ZNF585A: variants seen among roughly 807,000 people sequenced by gnomAD.
ZNF585A encodes the protein zinc finger protein 585A.
Under a neutral mutation model 14.9 loss-of-function variants are expected in ZNF585A, and 9 were observed. The observed-to-expected ratio is 0.60, with a 90% CI of 0.36 to 1.05. The LOEUF (loss-of-function observed/expected upper bound fraction) is 1.05. Ranked by LOEUF, ZNF585A falls within the 50% of genes least tolerant of loss-of-function variation. ZNF585A has a pLI of 0.01. For synonymous variants in ZNF585A, 276 were observed against 319.9 expected (o/e 0.86, Z 1.46); for missense variants, 726 against 926.4 (o/e 0.78, Z 2.81).
chr19:37,166,454 G>A (rs918889070), intron 2 of ZNF585A, among the ~76,000 whole-genome samples: 1 of 151,974 alleles, frequency 6.6e-6, no homozygotes, highest in African/African-American at 2.4e-5. Flanking sequence ...TGAGTAACTG[G>A]GACTACAGGT....
chr19:37,169,987 C>T lies in ZNF585A; in HGVS notation c.-77G>A. 6.5e-7 allele frequency: 1 copy of T among 1,540,462 alleles called. No individual in the cohort carries two copies. Among genetic ancestry groups the T allele is most frequent in the Non-Finnish European group, 8.8e-7 (1 of 1,141,372 alleles). ...TCATCTGTGAACTCAAGCAGAGCTGCTCTGAAGAGATGGGCTGGAGTCTAG... is the reference window on the plus strand; with the variant it reads ...TCATCTGTGAACTCAAGCAGAGCTGTTCTGAAGAGATGGGCTGGAGTCTAG... On this transcript the variant is annotated 5_prime_UTR_variant, in exon 2 of 5. Transcript: ENST00000292841.
intron 2 of ZNF585A, among the ~76,000 whole-genome samples, chr19:37,162,105 G>C (rs781006803): frequency 6.6e-6 from 1 of 152,162 alleles, no homozygotes; most frequent in Non-Finnish European, 1.5e-5. Context: ...TCTATTTTTA[G>C]TTGAGATGGG....
chr19:37,170,473 A>T (rs899638794), intron 1 of ZNF585A, among the ~76,000 whole-genome samples: 2 of 152,236 alleles, frequency 1.3e-5, no homozygotes, highest in African/African-American at 4.8e-5. Context: ...CTTTTCACCT[A>T]TGAGAACAGA....
In ZNF585A at chr19:37,148,816, C is replaced by T. The variant is rs1971778745; in HGVS notation, c.*2773G>A. ...ATCCAGACGATGGAACATAATTTGG[C>T]TCTAAAAAGAAATGCATTATCAAGC... On this transcript the variant is annotated 3_prime_UTR_variant, in exon 5 of 5. Coordinates refer to ENST00000292841, the MANE Select transcript of ZNF585A (RefSeq NM_001288800.2). 6.6e-6 allele frequency: 1 copy of T among 152,028 alleles called. No individual in the cohort carries two copies. The highest frequency in any genetic ancestry group is 1.5e-5 in the Non-Finnish European group (1 of 68,002). The allele number at this position is 152,028 out of a possible 1,614,324, so 9.4% of individuals were successfully genotyped here. A position where few individuals can be genotyped will look rare whatever the true frequency, so the allele number is the denominator to read the frequency against.
At position 37,156,304 on chromosome 19, in the gene ZNF585A, G is replaced by A. The variant is rs372000209; in HGVS notation, c.124C>T (p.Arg42Trp). The A allele has an allele frequency of 8.7e-6, 14 of 1,614,002 alleles. No homozygotes were observed. Among genetic ancestry groups the A allele is most frequent in the East Asian group, 2.2e-5 (1 of 44,890 alleles). The change falls in exon 3 of 5, where the codon CGG (arginine) becomes TGG (tryptophan). Residue 42 changes from arginine (R) to tryptophan (W), a missense_variant. Arg to Trp is a moderately radical substitution (Grantham distance 101). Around this residue, in one of 2 missense-constraint regions of ZNF585A, gnomAD observed 483 missense variants for 542.8 expected, o/e 0.89. Coordinates refer to ENST00000292841, the MANE Select transcript of ZNF585A (RefSeq NM_001288800.2). ...VAIDFSREEW[R>W]HLDPSQRNLY... Reference sequence around the variant, plus strand: ...TTTCTCTGAGAAGGGTCCAGGTGCCGCCATTCCTCTCTGCTGAAATCGATA... The same window carrying A: ...TTTCTCTGAGAAGGGTCCAGGTGCCACCATTCCTCTCTGCTGAAATCGATA...
In ZNF585A at chr19:37,150,261, GAC is replaced by G. The variant is rs1971805984; in HGVS notation, c.*1326_*1327del. 6.6e-6 allele frequency: 1 copy of G among 152,110 alleles called. No individual in the cohort carries two copies. The highest frequency in any genetic ancestry group is 1.5e-5 in the Non-Finnish European group (1 of 68,022). 9.4% of individuals were successfully genotyped at this position (152,110 alleles called of 1,614,324 possible). On this transcript the variant is annotated 3_prime_UTR_variant, in exon 5 of 5. Transcript: ENST00000292841. The stretch of plus-strand genomic sequence containing the variant: ...GGGCATTCCCACATGCTGTGTTAGG[GAC>G]AGTTAGATACTGCTAGGTGAGTAAC...
At position 37,153,557 on chromosome 19, in the gene ZNF585A, T is replaced by C; in HGVS notation, c.342A>G (p.Lys114=). 1.2e-6 allele frequency: 2 copies of C among 1,613,850 alleles called. No individual in the cohort carries two copies. The highest frequency in any genetic ancestry group is 8.5e-7 in the Non-Finnish European group (1 of 1,179,950). Residue 114 remains lysine (K), a synonymous_variant, in exon 5 of 5, where the codon AAA becomes AAG. Transcript: ENST00000292841. The part of the protein sequence containing the change: ...HNQCRKILSY[K]QVSSQPQKMY... ...TTTTTTGAGGTTGAGAGGATACTTG[T>C]TTATAACTGAGGATTTTTCTACATT...
Position 37,151,780 on chromosome 19 carries a change from C to A in ZNF585A, c.2119G>T (p.Val707Leu). ...TCTCCAGTGTGAATTCGCTGATGCA[C>A]TTGGAGCTGTGATTTTTTAGTGAAA... ...KSFTKKSQLQ[V>L]HQRIHTGEKP... Residue 707 changes from valine (V) to leucine (L), a missense_variant, in exon 5 of 5, where the codon GTG (valine) becomes TTG (leucine). This residue lies in a region of ZNF585A where 243 missense variants were observed against 383.6 expected (regional missense o/e 0.63). Transcript: ENST00000292841. 1 of 1,613,528 alleles carries A rather than the reference C, an allele frequency of 6.2e-7. No homozygotes were observed. The highest frequency in any genetic ancestry group is 8.5e-7 in the Non-Finnish European group (1 of 1,179,808).
chr19:37,153,461 T>C lies in ZNF585A; in HGVS notation c.438A>G (p.Lys146=), dbSNP rs746102085. 1.4e-5 allele frequency: 22 copies of C among 1,614,070 alleles called. No individual in the cohort carries two copies. The highest frequency in any genetic ancestry group is 8.5e-7 in the Non-Finnish European group (1 of 1,180,038). ...CTCCTGCAAGAACTTTCAGGTGTAC[T>C]TTGAGCTGTGACTTCTGGGTGAATA... ...EKIFTQKSQL[K]VHLKVLAGEK... is the part of the protein sequence containing the mutation. The change falls in exon 5 of 5, where the codon AAA becomes AAG. Residue 146 remains lysine, a synonymous_variant. Transcript: ENST00000292841.
At chr19:37,170,165 A>T in intron 1 of ZNF585A, 111 bp from the exon 2 acceptor site, 1 of 410,018 alleles carries the variant, frequency 2.4e-6, no homozygotes, top group Non-Finnish European at 4.4e-6. Flanking sequence ...GTGGTTCTCA[A>T]ATGGGTATGC....
rs1047828848 is a variant in ZNF585A at position 37,149,690 on chromosome 19, G to T, written c.*1899C>A. ...ACCAGAATTTGAACCAACATAGACA[G>T]CTTTCACTGTTCTGCTCACACCATA... On this transcript the variant is annotated 3_prime_UTR_variant, in exon 5 of 5. Coordinates refer to ENST00000292841, the MANE Select transcript of ZNF585A (RefSeq NM_001288800.2). The T allele has an allele frequency of 3.3e-5, 5 of 152,214 alleles. No homozygotes were observed. The highest frequency in any genetic ancestry group is 2.6e-4 in the Admixed American group (4 of 15,276). 9.4% of individuals were successfully genotyped at this position (152,214 alleles called of 1,614,324 possible).
chr19:37,166,659 A>G (rs1714572340), intron 2 of ZNF585A, among the ~76,000 whole-genome samples: 1 of 151,528 alleles, frequency 6.6e-6, no homozygotes, highest in Non-Finnish European at 1.5e-5. Flanking sequence ...TTGATTGTCA[A>G]CACATCAACT....
In ZNF585A at chr19:37,148,066, T is replaced by C. The variant is rs571247449; in HGVS notation, c.*3523A>G. 1 of 152,330 alleles carries C rather than the reference T, an allele frequency of 6.6e-6. No individual in the cohort carries two copies. The highest frequency in any genetic ancestry group is 2.1e-4 in the South Asian group (1 of 4,826). The allele number at this position is 152,330 out of a possible 1,614,324, so 9.4% of individuals were successfully genotyped here. A position where few individuals can be genotyped will look rare whatever the true frequency, so the allele number is the denominator to read the frequency against. Reference sequence around the variant, plus strand: ...TGGAGTTGCTGAGTCATATGATAAATGTATGGTTAATAGTATAAGAAGCTG... The same window carrying C: ...TGGAGTTGCTGAGTCATATGATAAACGTATGGTTAATAGTATAAGAAGCTG... On this transcript the variant is annotated 3_prime_UTR_variant, in exon 5 of 5. Coordinates refer to ENST00000292841, the MANE Select transcript of ZNF585A (RefSeq NM_001288800.2).
rs1971780076 is a variant in ZNF585A at position 37,148,914 on chromosome 19, T to C, written c.*2675A>G. On this transcript the variant is annotated 3_prime_UTR_variant, in exon 5 of 5. Transcript: ENST00000292841. ...AAGTCAATTTGAAAAGGCTACACACTGTATAATTTCAACTATATGATATAA... is the reference window on the plus strand; with the variant it reads ...AAGTCAATTTGAAAAGGCTACACACCGTATAATTTCAACTATATGATATAA... 6.6e-6 allele frequency: 1 copy of C among 152,144 alleles called. No homozygotes were observed. Among genetic ancestry groups the C allele is most frequent in the African/African-American group, 2.4e-5 (1 of 41,436 alleles). 9.4% of individuals were successfully genotyped at this position (152,144 alleles called of 1,614,324 possible).
At chr19:37,170,082 T>C in intron 1 of ZNF585A, 28 bp from the exon 2 acceptor site, 1 of 669,050 alleles carries the variant, frequency 1.5e-6, no homozygotes, top group South Asian at 2.0e-5. Flanking sequence ...CCATAGTCAG[T>C]CATTTCACAT....
chr19:37,160,775 C>T (rs1268647255), intron 2 of ZNF585A, among the ~76,000 whole-genome samples: 2 of 152,090 alleles, frequency 1.3e-5, no homozygotes, highest in African/African-American at 4.8e-5. Context: ...CATCTTATGA[C>T]CATTAAATTA....
In ZNF585A at chr19:37,145,549, T is replaced by C. The variant is rs1365172976; in HGVS notation, c.*6040A>G. 3 of 152,240 alleles carry C rather than the reference T, an allele frequency of 2.0e-5. No individual in the cohort carries two copies. The highest frequency in any genetic ancestry group is 4.4e-5 in the Non-Finnish European group (3 of 68,040). The allele number at this position is 152,240 out of a possible 1,614,324, so 9.4% of individuals were successfully genotyped here. A position where few individuals can be genotyped will look rare whatever the true frequency, so the allele number is the denominator to read the frequency against. On this transcript the variant is annotated 3_prime_UTR_variant, in exon 5 of 5. Transcript: ENST00000292841. ...TAGAACACACCATGGGTTTTCAGGA[T>C]TGGCATTTATTATAGGCACAAACTT...
chr19:37,157,487 A>G (rs557394701), intron 2 of ZNF585A, among the ~76,000 whole-genome samples: 18 of 152,354 alleles, frequency 1.2e-4, no homozygotes, highest in African/African-American at 3.8e-4. Flanking sequence ...GGTGTTGAAA[A>G]GTAGATGCCT....
Position 37,151,170 on chromosome 19 carries a change from T to A in ZNF585A, c.*419A>T. On this transcript the variant is annotated 3_prime_UTR_variant, in exon 5 of 5. Coordinates refer to ENST00000292841, the MANE Select transcript of ZNF585A (RefSeq NM_001288800.2). ...TCCACAACGAACAACTCACATAACT[T>A]AGGATTCATCACTATCAAAATAACT... The A allele has an allele frequency of 2.5e-6, 1 of 403,242 alleles. No homozygotes were observed. Among genetic ancestry groups the A allele is most frequent in the East Asian group, 3.5e-5 (1 of 28,354 alleles). 25.0% of individuals were successfully genotyped at this position (403,242 alleles called of 1,614,324 possible).
Sources: gnomAD v4.1 joint callset for allele counts (sites outside exome capture counted in the v4.1 genomes callset) on GRCh38, gnomAD v4.1.1 for gene constraint, gnomAD v4.1.1 regional missense constraint, MANE v1.5 for transcripts, NCBI Gene and HGNC (gene_info 2026-07-23, HGNC 2026-07-21) for gene names.